The following EAF2 variants were observed in gnomAD, a reference collection of about 807,000 sequenced individuals.
EAF2 encodes ELL associated factor 2.
Under a neutral mutation model 29.4 loss-of-function variants are expected in EAF2, and 29 were observed. That is an observed-to-expected ratio of 0.99 (90% CI 0.73 to 1.35). The LOEUF is 1.35. EAF2 is among the 40% of genes most tolerant of loss of function. The pLI, the probability that EAF2 is intolerant of heterozygous loss-of-function variation, is 0.00. For missense variants in EAF2, 292 were observed against 312.0 expected (o/e 0.94, Z 0.48); for synonymous variants, 103 against 102.5 (o/e 1.00, Z -0.03).
intron 5 of EAF2, among the ~76,000 whole-genome samples, chr3:121,880,870 A>G (rs377191893): frequency 6.6e-5 from 10 of 152,208 alleles, no homozygotes; most frequent in African/African-American, 1.9e-4. Flanking sequence ...TTTCTCTTAT[A>G]TGGCCTTTAT....
chr3:121,872,954 A>G, intron 5 of EAF2, 166 bp downstream of exon 5: 1 of 1,092,104 alleles, frequency 9.2e-7, no homozygotes. Context: ...AATCTGTGAC[A>G]TAATGCCTTC....
intron 3 of EAF2, among the ~76,000 whole-genome samples, chr3:121,856,472 C>T (rs1041495063): frequency 4.6e-5 from 7 of 152,000 alleles, no homozygotes; most frequent in Non-Finnish European, 8.8e-5. Flanking sequence ...AGCCACTGCA[C>T]CAGCCTGGAT....
intron 3 of EAF2, 112 bp from the exon 4 acceptor site, chr3:121,856,899 T>C (rs1708728168): frequency 1.2e-6 from 1 of 839,494 alleles, no homozygotes; most frequent in South Asian, 1.9e-5. Context: ...TGGAATATTA[T>C]TCTAAAGATG....
intron 2 of EAF2, among the ~76,000 whole-genome samples, chr3:121,850,929 G>A (rs917948916): frequency 1.1e-4 from 16 of 151,950 alleles, no homozygotes; most frequent in Admixed American, 4.6e-4. Flanking sequence ...TCAAACTCCC[G>A]ACCTCAGATG....
At chr3:121,854,535 C>T (rs1273202896) in intron 2 of EAF2, 152 bp from the exon 3 acceptor site, 4 of 533,234 alleles carry the variant, frequency 7.5e-6, no homozygotes, top group African/African-American at 4.1e-5. Context: ...TTTTTTACTA[C>T]ACTCTTTGGA....
chr3:121,851,348 T>G (rs1228534356), intron 2 of EAF2, among the ~76,000 whole-genome samples: 1 of 140,750 alleles, frequency 7.1e-6, no homozygotes, highest in Non-Finnish European at 1.5e-5. Flanking sequence ...CAGCTAATTT[T>G]TAGTTTTTTT....
intron 4 of EAF2, among the ~76,000 whole-genome samples, chr3:121,864,514 T>C (rs915021664): frequency 1.3e-5 from 2 of 152,186 alleles, no homozygotes; most frequent in African/African-American, 4.8e-5. Flanking sequence ...GCAAATTTGC[T>C]AATCATTAAC....
intron 2 of EAF2, among the ~76,000 whole-genome samples, chr3:121,845,025 G>T (rs1186552413): frequency 6.6e-6 from 1 of 152,126 alleles, no homozygotes; most frequent in Non-Finnish European, 1.5e-5. Flanking sequence ...TAAAGGACAA[G>T]TAAGATTTTA....
chr3:121,883,677 A>G (rs1240946619), intron 5 of EAF2, among the ~76,000 whole-genome samples: 2 of 152,242 alleles, frequency 1.3e-5, no homozygotes, highest in South Asian at 2.1e-4. Flanking sequence ...TCTACAGCCA[A>G]CAGGACAAGC....
chr3:121,868,112 A>G (rs957253273), intron 4 of EAF2, among the ~76,000 whole-genome samples: 1 of 152,196 alleles, frequency 6.6e-6, no homozygotes, highest in Non-Finnish European at 1.5e-5. Flanking sequence ...TTAAACATAT[A>G]TTGTCTAAAT....
chr3:121,840,149 C>T (rs1008448582), intron 1 of EAF2, among the ~76,000 whole-genome samples: 3 of 145,220 alleles, frequency 2.1e-5, no homozygotes, highest in African/African-American at 5.1e-5. Flanking sequence ...GAGATCGCGC[C>T]GCTGCCTCCA....
intron 5 of EAF2, among the ~76,000 whole-genome samples, chr3:121,875,807 A>T (rs1260406382): frequency 6.8e-6 from 1 of 146,434 alleles, no homozygotes; most frequent in Non-Finnish European, 1.5e-5. Context: ...GACATTTTTA[A>T]AAAACCAATA....
At chr3:121,879,192 A>G (rs1709150863) in intron 5 of EAF2, among the ~76,000 whole-genome samples, 2 of 152,126 alleles carry the variant, frequency 1.3e-5, no homozygotes, top group Admixed American at 6.5e-5. Context: ...TTTGAGAAAA[A>G]TCTATTCAGT....
At chr3:121,872,930 A>G in intron 5 of EAF2, 142 bp downstream of exon 5, 1 of 1,285,750 alleles carries the variant, frequency 7.8e-7, no homozygotes, top group Middle Eastern at 1.9e-4. Flanking sequence ...TTATTGAATT[A>G]TGGTTTTCTT....
chr3:121,877,706 TAGC>T (rs1482859167), intron 5 of EAF2, among the ~76,000 whole-genome samples: 1 of 151,886 alleles, frequency 6.6e-6, no homozygotes, highest in Non-Finnish European at 1.5e-5. Flanking sequence ...ATAAATAAAA[TAGC>T]AGTTTTGGTA....
chr3:121,880,795 A>G (rs1276049404), intron 5 of EAF2, among the ~76,000 whole-genome samples: 1 of 152,044 alleles, frequency 6.6e-6, no homozygotes, highest in Non-Finnish European at 1.5e-5. Flanking sequence ...GCATCCTTAT[A>G]TTGTTCCAGC....
At chr3:121,873,149 G>C in intron 5 of EAF2, 1 of 628,366 alleles carries the variant, frequency 1.6e-6, no homozygotes, top group Non-Finnish European at 2.8e-6. Context: ...CAATACTTAT[G>C]TGTAGGTAAC....
chr3:121,862,122 CA>C (rs1708843639), intron 4 of EAF2, among the ~76,000 whole-genome samples: 1 of 152,318 alleles, frequency 6.6e-6, no homozygotes, highest in East Asian at 1.9e-4. Context: ...TTCATTTCAA[CA>C]TTGGTGAATC....
At chr3:121,885,067 A>G (rs1035600883) in intron 5 of EAF2, among the ~76,000 whole-genome samples, 8 of 152,206 alleles carry the variant, frequency 5.3e-5, no homozygotes, top group African/African-American at 1.4e-4. Flanking sequence ...TTTACTAGGT[A>G]TCTCAAATTT....
Sources: allele counts gnomAD v4.1 joint callset (sites outside exome capture counted in the v4.1 genomes callset), GRCh38; gene constraint gnomAD v4.1.1; transcripts MANE v1.5; gene names NCBI Gene and HGNC (gene_info 2026-07-23, HGNC 2026-07-21).